Variants in ESRP1 observed in about 807,000 individuals in gnomAD.
ESRP1 encodes RNA-binding motif protein 35A.
Under a neutral mutation model 81.7 loss-of-function variants are expected in ESRP1, and 33 were observed. The observed-to-expected ratio is 0.40, with a 90% CI of 0.31 to 0.54. The LOEUF is 0.54. ESRP1 is among the 20% of genes least tolerant of loss of function. ESRP1 has a pLI of 0.41. For synonymous variants in ESRP1, 320 were observed against 303.3 expected (o/e 1.06, Z -0.57); for missense variants, 672 against 833.1 (o/e 0.81, Z 2.38).
chr8:94,673,975 GA>G (rs1427077122), intron 11 of ESRP1, among the ~76,000 whole-genome samples: 1 of 152,024 alleles, frequency 6.6e-6, no homozygotes, highest in African/African-American at 2.4e-5. Flanking sequence ...TTTCAGAAGA[GA>G]AAAAAACTAG....
chr8:94,694,449 C>T (rs1028759349), intron 14 of ESRP1, among the ~76,000 whole-genome samples: 1 of 152,090 alleles, frequency 6.6e-6, no homozygotes, highest in Non-Finnish European at 1.5e-5. Context: ...ACTAAAAATA[C>T]AAAAACTAGC....
chr8:94,685,450 C>T (rs1046038397), intron 13 of ESRP1, among the ~76,000 whole-genome samples: 2 of 152,098 alleles, frequency 1.3e-5, no homozygotes, highest in Non-Finnish European at 2.9e-5. Context: ...CTTGAGGCTG[C>T]AGTGAGCTGT....
At chr8:94,673,759 A>G (rs996082320) in intron 11 of ESRP1, among the ~76,000 whole-genome samples, 2 of 152,118 alleles carry the variant, frequency 1.3e-5, no homozygotes, top group African/African-American at 2.4e-5. Context: ...TGGGCCTTGC[A>G]CCTCCCAAAT....
At chr8:94,657,850 G>C (rs147576143) in intron 4 of ESRP1, among the ~76,000 whole-genome samples, 2 of 152,040 alleles carry the variant, frequency 1.3e-5, no homozygotes, top group African/African-American at 4.8e-5. Context: ...CATAGCTTTC[G>C]TGTAATCCCA....
chr8:94,700,337 C>T (rs1020108910), intron 15 of ESRP1, among the ~76,000 whole-genome samples: 4 of 151,996 alleles, frequency 2.6e-5, no homozygotes. Context: ...TACAATCACT[C>T]GTGTAAGAAA....
chr8:94,702,716 C>T (rs1465409770), intron 15 of ESRP1, among the ~76,000 whole-genome samples: 2 of 152,044 alleles, frequency 1.3e-5, no homozygotes, highest in African/African-American at 4.8e-5. Flanking sequence ...ATCTCCTGAC[C>T]TCGTGATCCG....
intron 13 of ESRP1, among the ~76,000 whole-genome samples, chr8:94,684,142 C>CTG (rs1554580170): frequency 6.6e-6 from 1 of 151,690 alleles, no homozygotes; most frequent in Non-Finnish European, 1.5e-5. Flanking sequence ...CCACTGCGCA[C>CTG]GCCTTGGGGT....
chr8:94,705,156 C>CTTTTTTTTTTTTTTTTTTTTT (rs57801249), intron 15 of ESRP1, among the ~76,000 whole-genome samples: 1 of 90,536 alleles, frequency 1.1e-5, no homozygotes, highest in African/African-American at 4.4e-5. Flanking sequence ...TGCCTTATTG[C>CTTTTTTTTTTTTTTTTTTTTT]TTTTTTTTTT....
intron 10 of ESRP1, among the ~76,000 whole-genome samples, chr8:94,669,586 C>T (rs778930591): frequency 1.3e-5 from 2 of 152,064 alleles, no homozygotes; most frequent in Non-Finnish European, 2.9e-5. Flanking sequence ...TTAAATCTGG[C>T]CAGGCGCAGT....
chr8:94,680,192 A>G (rs1808817717), intron 13 of ESRP1, among the ~76,000 whole-genome samples: 2 of 152,166 alleles, frequency 1.3e-5, no homozygotes, highest in Non-Finnish European at 2.9e-5. Context: ...AGACAGTTTT[A>G]CAGAAGTGGA....
rs1818236653 is a variant in ESRP1, at chr8:94,653,259, C to G, written c.490+6977C>G. 2.6e-5 allele frequency among the ~76,000 whole-genome samples: 4 copies of G among 152,044 alleles called. No individual in the cohort carries two copies. The South Asian group carries it at 8.3e-4, about 32-fold the overall frequency. On this transcript the variant is annotated intron_variant, in intron 4 of 15. Transcript: ENST00000433389. Reference sequence around the variant, plus strand: ...GGGTGTGTGTGCACATATGTGTGCTCTATTATCAGTGTGTGACATTAGCCT... The same window carrying G: ...GGGTGTGTGTGCACATATGTGTGCTGTATTATCAGTGTGTGACATTAGCCT...
At chr8:94,689,019 G>T (rs1297927457) in intron 13 of ESRP1, among the ~76,000 whole-genome samples, 1 of 152,120 alleles carries the variant, frequency 6.6e-6, no homozygotes, top group Non-Finnish European at 1.5e-5. Flanking sequence ...GAGAGGCCGA[G>T]GTGGGCAGAT....
intron 1 of ESRP1, 99 bp from the exon 2 acceptor site, chr8:94,641,855 AAG>A (rs1817614433): frequency 1.3e-6 from 2 of 1,535,598 alleles, no homozygotes; most frequent in African/African-American, 2.7e-5. Context: ...TCCGGACCCC[AAG>A]AGAGGCGCGG....
In ESRP1 at chr8:94,641,211, CTCTT is replaced by C. The variant is rs776790266; in HGVS notation, c.-102_-99del. ...CAGTAGCAAGGAAGGGGGGTGGGCG[CTCTT>C]TCTTTTTCTCTTAGAAGAGGGTTTA... is the stretch of plus-strand genomic sequence containing the variant. On this transcript the variant is annotated 5_prime_UTR_variant, in exon 1 of 16. Coordinates refer to ENST00000433389, the MANE Select transcript of ESRP1 (RefSeq NM_017697.4). The C allele has an allele frequency of 1.7e-5, 18 of 1,085,794 alleles. No individual in the cohort carries two copies. The highest frequency in any genetic ancestry group is 9.6e-5 in the African/African-American group (6 of 62,578). The allele number at this position is 1,085,794 out of a possible 1,614,324, so 67.3% of individuals were successfully genotyped here. A position where few individuals can be genotyped will look rare whatever the true frequency, so the allele number is the denominator to read the frequency against.
At chr8:94,646,417 T>A (rs1455959762) in intron 4 of ESRP1, 135 bp downstream of exon 4, 1 of 567,784 alleles carries the variant, frequency 1.8e-6, no homozygotes, top group African/African-American at 1.9e-5. Flanking sequence ...TTTACTCTGC[T>A]GAGAAACTAA....
intron 15 of ESRP1, among the ~76,000 whole-genome samples, chr8:94,701,191 C>CTT: frequency 6.6e-6 from 1 of 150,558 alleles, no homozygotes; most frequent in Admixed American, 6.7e-5. Flanking sequence ...AGGGGAATTG[C>CTT]TTGAACCTGG....
At position 94,705,936 on chromosome 8, in the gene ESRP1, T is replaced by C; in HGVS notation, c.*47T>C. 2 of 1,523,738 alleles carry C rather than the reference T, an allele frequency of 1.3e-6. No individual in the cohort carries two copies. The highest frequency in any genetic ancestry group is 1.8e-6 in the Non-Finnish European group (2 of 1,137,634). The allele number at this position is 1,523,738 out of a possible 1,614,324, so 94.4% of individuals were successfully genotyped here. On this transcript the variant is annotated 3_prime_UTR_variant, in exon 16 of 16. Transcript: ENST00000433389. ...TTTTTTTTTTTCAGTGTTTGAAAGA[T>C]GTATGGTGATCTTGAAACCTCCAGA...
chr8:94,644,486 T>C (rs1817751525), intron 3 of ESRP1, among the ~76,000 whole-genome samples: 1 of 152,116 alleles, frequency 6.6e-6, no homozygotes, highest in Non-Finnish European at 1.5e-5. Context: ...TTTATACGAG[T>C]CTTAGTAATT....
chr8:94,657,129 TG>T (rs998860868), intron 4 of ESRP1, among the ~76,000 whole-genome samples: 1 of 152,224 alleles, frequency 6.6e-6, no homozygotes, highest in African/African-American at 2.4e-5. Context: ...CTTGCTCAGT[TG>T]CAGCCTGAAA....
Sources: gnomAD v4.1 joint callset for allele counts (sites outside exome capture counted in the v4.1 genomes callset) on GRCh38, gnomAD v4.1.1 for gene constraint, MANE v1.5 for transcripts, NCBI Gene and HGNC (gene_info 2026-07-23, HGNC 2026-07-21) for gene names.